Variants in ACVRL1 observed in about 807,000 individuals in gnomAD.
ACVRL1 encodes activin receptor type-1-like.
ACVRL1 carries 20 observed loss-of-function variants against 51.9 expected under a neutral mutation model. The ratio of observed to expected loss-of-function variants is 0.39; its 90% CI spans 0.27 to 0.56. The LOEUF (loss-of-function observed/expected upper bound fraction) is 0.56, where lower values mean the gene tolerates loss of function less well. ACVRL1 is among the 20% of genes least tolerant of loss of function. ACVRL1 has a pLI of 0.67. For missense variants in ACVRL1, 451 were observed against 670.3 expected (o/e 0.67, Z 3.61); for synonymous variants, 288 against 280.9 (o/e 1.03, Z -0.25).
intron 8 of ACVRL1, among the ~76,000 whole-genome samples, chr12:51,916,973 C>A: frequency 6.6e-6 from 1 of 150,912 alleles, no homozygotes; most frequent in Non-Finnish European, 1.5e-5. Context: ...GACCCTGTCT[C>A]AAAAAAAGAA....
At position 51,907,593 on chromosome 12, in the gene ACVRL1, C is replaced by T. The variant is rs1940618950; in HGVS notation, c.-108C>T. On this transcript the variant is annotated 5_prime_UTR_variant, in exon 1 of 10. Coordinates refer to ENST00000388922, the MANE Select transcript of ACVRL1 (RefSeq NM_000020.3). The surrounding 1 kb of genome is among the most constrained non-coding windows in gnomAD (Gnocchi z 4.5). The stretch of plus-strand genomic sequence containing the variant: ...CCGGGGCCGCGCCCGGACCCCAGCC[C>T]GCCGTCCAGCGCTGGCGGTGCAACT... The T allele has an allele frequency of 1.3e-5, 2 of 151,998 alleles. No homozygotes were observed. The highest frequency in any genetic ancestry group is 6.6e-5 in the Admixed American group (1 of 15,258). The allele number at this position is 151,998 out of a possible 1,614,324, so 9.4% of individuals were successfully genotyped here.
At chr12:51,914,944 A>G (rs1235135800) in intron 6 of ACVRL1, among the ~76,000 whole-genome samples, 4 of 151,882 alleles carry the variant, frequency 2.6e-5, no homozygotes, top group Non-Finnish European at 5.9e-5. Flanking sequence ...AGGTCTCCCT[A>G]TGTTTCCCAG....
chr12:51,916,942 C>A (rs706813), intron 8 of ACVRL1, among the ~76,000 whole-genome samples: 7,524 of 152,076 alleles, frequency 0.049, 558 homozygotes, highest in African/African-American at 0.16. Context: ...CCACTGCACT[C>A]CAGTCTGGGC....
intron 1 of ACVRL1, among the ~76,000 whole-genome samples, chr12:51,908,187 G>A (rs1423883880): frequency 2.0e-5 from 3 of 152,118 alleles, no homozygotes; most frequent in Admixed American, 2.0e-4. Flanking sequence ...CACCCTAGGC[G>A]CGCATGGTCA....
chr12:51,909,235 C>T (rs767143649), intron 1 of ACVRL1, among the ~76,000 whole-genome samples: 3 of 152,208 alleles, frequency 2.0e-5, no homozygotes, highest in Admixed American at 6.5e-5. Context: ...GCTCTCCCCA[C>T]CTGAGGCTCA....
At position 51,907,538 on chromosome 12, in the gene ACVRL1, G is replaced by C. The variant is rs999368597; in HGVS notation, c.-163G>C. Reference sequence around the variant, plus strand: ...GGGAGGCTGCCGCGCCAGCTGCGCCGAGCGAGCCCCTCCCCGGCTCCAGCC... The same window carrying C: ...GGGAGGCTGCCGCGCCAGCTGCGCCCAGCGAGCCCCTCCCCGGCTCCAGCC... On this transcript the variant is annotated 5_prime_UTR_variant, in exon 1 of 10. Transcript: ENST00000388922. This position sits in a 1 kb window ranked among gnomAD's most constrained non-coding sequence, Gnocchi z 4.5. The C allele has an allele frequency of 6.6e-6, 1 of 151,976 alleles. No individual in the cohort carries two copies. Among genetic ancestry groups the C allele is most frequent in the Admixed American group, 6.6e-5 (1 of 15,250 alleles). 9.4% of individuals were successfully genotyped at this position (151,976 alleles called of 1,614,324 possible).
chr12:51,914,992 C>T (rs1592223847), intron 6 of ACVRL1, among the ~76,000 whole-genome samples: 1 of 152,132 alleles, frequency 6.6e-6, no homozygotes, highest in Non-Finnish European at 1.5e-5. Context: ...AGTGCTCTTG[C>T]CTTGGCCTCC....
At chr12:51,911,014 C>T (rs533551818) in intron 1 of ACVRL1, among the ~76,000 whole-genome samples, 2 of 152,338 alleles carry the variant, frequency 1.3e-5, no homozygotes, top group South Asian at 4.1e-4. Context: ...CATTCTTAGA[C>T]TATGGGCTTT....
intron 8 of ACVRL1, 116 bp from the exon 9 acceptor site, chr12:51,918,869 G>A (rs1175703196): frequency 3.0e-5 from 43 of 1,446,232 alleles, no homozygotes; most frequent in South Asian, 2.3e-4. Context: ...CAGGGGTAGC[G>A]TGTCCAGGCC....
intron 9 of ACVRL1, 68 bp downstream of exon 9, chr12:51,919,183 A>G: frequency 6.2e-7 from 1 of 1,609,476 alleles, no homozygotes. Context: ...TGGGCCCAGG[A>G]ACTTGTGTCT....
chr12:51,919,298 C>G, intron 9 of ACVRL1, 183 bp downstream of exon 9: 1 of 843,802 alleles, frequency 1.2e-6, no homozygotes, highest in South Asian at 1.6e-5. Flanking sequence ...CCAGGGCCAT[C>G]TGGTCATTCT....
At chr12:51,912,042 G>C (rs1336668768) in intron 1 of ACVRL1, among the ~76,000 whole-genome samples, 3 of 152,118 alleles carry the variant, frequency 2.0e-5, no homozygotes, top group African/African-American at 7.2e-5. Context: ...AGCCAGGGCT[G>C]GGGGGGCATT....
At position 51,921,752 on chromosome 12, in the gene ACVRL1, C is replaced by G. The variant is rs1424763589; in HGVS notation, c.*859C>G. The G allele has an allele frequency of 6.6e-6, 1 of 150,566 alleles. No homozygotes were observed. The highest frequency in any genetic ancestry group is 1.5e-5 in the Non-Finnish European group (1 of 67,912). The allele number at this position is 150,566 out of a possible 1,614,324, so 9.3% of individuals were successfully genotyped here. ...CTTTTTTCCTTCTTTTTTTTTTTGA[C>G]ACGGAGTTTCGCTCTTGTTGTCCAG... On this transcript the variant is annotated 3_prime_UTR_variant, in exon 10 of 10. Coordinates refer to ENST00000388922, the MANE Select transcript of ACVRL1 (RefSeq NM_000020.3).
chr12:51,918,504 T>A (rs11169954), intron 8 of ACVRL1, among the ~76,000 whole-genome samples: 12,230 of 152,158 alleles, frequency 0.08, 507 homozygotes, highest in East Asian at 0.096. Context: ...ACATTTGGTG[T>A]TATTATTATC....
At position 51,921,182 on chromosome 12, in the gene ACVRL1, A is replaced by G. The variant is rs1940971687; in HGVS notation, c.*289A>G. The G allele has an allele frequency of 4.6e-6, 2 of 431,366 alleles. No homozygotes were observed. The highest frequency in any genetic ancestry group is 8.7e-6 in the Non-Finnish European group (2 of 229,972). The allele number at this position is 431,366 out of a possible 1,614,324, so 26.7% of individuals were successfully genotyped here. On this transcript the variant is annotated 3_prime_UTR_variant, in exon 10 of 10. Coordinates refer to ENST00000388922, the MANE Select transcript of ACVRL1 (RefSeq NM_000020.3). The stretch of plus-strand genomic sequence containing the variant: ...TACCACTCCCGGGACAGGATGCAAA[A>G]GAGGCTCCAGAGTCAGAGTGCCAAG...
chr12:51,912,419 G>A (rs769353083), intron 1 of ACVRL1, 51 bp from the exon 2 acceptor site: 20 of 1,596,544 alleles, frequency 1.3e-5, no homozygotes, highest in Admixed American at 1.7e-5. Context: ...CACGGCCAGC[G>A]GCTGTCACAC....
rs1183603831 is a variant in ACVRL1 at position 51,922,514 on chromosome 12, T to G, written c.*1621T>G. On this transcript the variant is annotated 3_prime_UTR_variant, in exon 10 of 10. Transcript: ENST00000388922. ...CCCAGAGAGTGTGTCTCAGGAGAAT[T>G]CAATGGCTCTAGAGAGACACACAGA... 1 of 152,206 alleles carries G rather than the reference T, an allele frequency of 6.6e-6. No homozygotes were observed. Among genetic ancestry groups the G allele is most frequent in the African/African-American group, 2.4e-5 (1 of 41,428 alleles). The allele number at this position is 152,206 out of a possible 1,614,324, so 9.4% of individuals were successfully genotyped here.
intron 1 of ACVRL1, among the ~76,000 whole-genome samples, chr12:51,909,162 A>G (rs1226247032): frequency 6.6e-6 from 1 of 152,156 alleles, no homozygotes; most frequent in East Asian, 1.9e-4. Context: ...GGTTTTATCA[A>G]TCCTTCAGGT....
chr12:51,908,377 A>T (rs763764139), intron 1 of ACVRL1, among the ~76,000 whole-genome samples: 1 of 151,716 alleles, frequency 6.6e-6, no homozygotes, highest in South Asian at 2.1e-4. Context: ...AGTTGCTCTC[A>T]CTCTCTCTAT....
Sources: allele counts gnomAD v4.1 joint callset (sites outside exome capture counted in the v4.1 genomes callset), GRCh38; gene constraint gnomAD v4.1.1; non-coding constraint Gnocchi (gnomAD v3.1); transcripts MANE v1.5; gene names NCBI Gene and HGNC (gene_info 2026-07-23, HGNC 2026-07-21).